The following TACR1 variants were observed in gnomAD, a reference collection of about 807,000 sequenced individuals.
TACR1 encodes the protein tachykinin receptor 1.
Under a neutral mutation model 35.8 loss-of-function variants are expected in TACR1, and 25 were observed. The ratio of observed to expected loss-of-function variants is 0.70; its 90% CI spans 0.51 to 0.98. The LOEUF (loss-of-function observed/expected upper bound fraction) is 0.98, where lower values mean the gene tolerates loss of function less well. Ranked by LOEUF, TACR1 falls within the 50% of genes least tolerant of loss-of-function variation. TACR1 has a pLI of 0.00. For synonymous variants in TACR1, 195 were observed against 206.7 expected (o/e 0.94, Z 0.48); for missense variants, 478 against 522.9 (o/e 0.91, Z 0.84).
At chr2:75,195,014 C>T (rs751211306) in intron 1 of TACR1, among the ~76,000 whole-genome samples, 2 of 152,118 alleles carry the variant, frequency 1.3e-5, no homozygotes, top group Non-Finnish European at 2.9e-5. Flanking sequence ...CAGTAATTGT[C>T]ACCAACTCCT....
At chr2:75,058,394 T>C (rs1051233531) in intron 2 of TACR1, among the ~76,000 whole-genome samples, 1 of 152,240 alleles carries the variant, frequency 6.6e-6, no homozygotes, top group African/African-American at 2.4e-5. Flanking sequence ...TATGCTTGCT[T>C]TGGCTTTCAT....
intron 1 of TACR1, among the ~76,000 whole-genome samples, chr2:75,166,882 A>G (rs1338052247): frequency 6.6e-6 from 1 of 152,210 alleles, no homozygotes; most frequent in African/African-American, 2.4e-5. Flanking sequence ...GCTGTGCTGC[A>G]TTTGGGTTAT....
intron 2 of TACR1, among the ~76,000 whole-genome samples, chr2:75,073,014 C>A (rs576151741): frequency 1.3e-5 from 2 of 152,276 alleles, no homozygotes; most frequent in South Asian, 4.1e-4. Flanking sequence ...TCATTAAATA[C>A]TATCTCAACA....
At position 75,198,588 on chromosome 2, in the gene TACR1, A is replaced by G. The variant is rs1356527081; in HGVS notation, c.347T>C (p.Val116Ala). Residue 116 changes from valine to alanine, a missense_variant, in exon 1 of 5, where the codon GTC (valine) becomes GCC (alanine). Coordinates refer to ENST00000305249, the MANE Select transcript of TACR1 (RefSeq NM_001058.4). ...KFHNFFPIAA[V>A]FASIYSMTAV... ...CGTCATGGAGTAGATACTGGCGAAG[A>G]CAGCGGCGATGGGAAAGAAGTTGTG... 2 of 1,614,084 alleles carry G rather than the reference A, an allele frequency of 1.2e-6. No individual in the cohort carries two copies. The highest frequency in any genetic ancestry group is 2.7e-5 in the African/African-American group (2 of 74,928).
intron 2 of TACR1, among the ~76,000 whole-genome samples, chr2:75,095,822 C>CT (rs1673410323): frequency 6.6e-6 from 1 of 152,292 alleles, no homozygotes; most frequent in Non-Finnish European, 1.5e-5. Flanking sequence ...CCCCCTGTCC[C>CT]TTCTGTGTGC....
At chr2:75,191,119 G>A (rs1229553578) in intron 1 of TACR1, among the ~76,000 whole-genome samples, 2 of 152,164 alleles carry the variant, frequency 1.3e-5, no homozygotes, top group Admixed American at 6.5e-5. Flanking sequence ...CACTGAGGTG[G>A]AATTGAAGTC....
chr2:75,094,051 T>A (rs992576049), intron 2 of TACR1, among the ~76,000 whole-genome samples: 1 of 152,132 alleles, frequency 6.6e-6, no homozygotes, highest in Non-Finnish European at 1.5e-5. Context: ...CACCACGTTT[T>A]CGTAGTTTTG....
intron 1 of TACR1, among the ~76,000 whole-genome samples, chr2:75,148,260 G>T (rs1368704146): frequency 1.3e-5 from 2 of 152,136 alleles, no homozygotes; most frequent in African/African-American, 4.8e-5. Flanking sequence ...GGGTCAAATG[G>T]TTTTTCTAGT....
chr2:75,117,546 A>G (rs931144930), intron 2 of TACR1, among the ~76,000 whole-genome samples: 4 of 152,176 alleles, frequency 2.6e-5, no homozygotes, highest in African/African-American at 7.2e-5. Context: ...TGAGGACTTC[A>G]TATAGGTTAT....
intron 2 of TACR1, among the ~76,000 whole-genome samples, chr2:75,087,907 A>G (rs998515151): frequency 2.0e-5 from 3 of 152,202 alleles, no homozygotes; most frequent in African/African-American, 4.8e-5. Flanking sequence ...GCATTACATA[A>G]AGAACTACTC....
At chr2:75,088,011 C>G (rs1392357211) in intron 2 of TACR1, among the ~76,000 whole-genome samples, 5 of 152,166 alleles carry the variant, frequency 3.3e-5, no homozygotes, top group African/African-American at 1.2e-4. Flanking sequence ...GAATGAACTT[C>G]CCTCATCTGT....
At chr2:75,177,643 T>A (rs992963566) in intron 1 of TACR1, among the ~76,000 whole-genome samples, 16 of 152,300 alleles carry the variant, frequency 1.1e-4, no homozygotes, top group African/African-American at 3.8e-4. Flanking sequence ...CTTCTTTGTT[T>A]ACCTCACTTA....
chr2:75,073,289 T>A (rs1450710015), intron 2 of TACR1, among the ~76,000 whole-genome samples: 1 of 152,232 alleles, frequency 6.6e-6, no homozygotes, highest in African/African-American at 2.4e-5. Flanking sequence ...AGCTCCCACA[T>A]CTTTTGTGTG....
rs536451660 is a variant in TACR1, at chr2:75,086,305, C to T, written c.585-32550G>A. Among the ~76,000 whole-genome samples the T allele has an allele frequency of 9.1e-4, 138 of 152,296 alleles. 1 individual carries two copies. The highest frequency in any genetic ancestry group is 3.1e-3 in the African/African-American group (128 of 41,558). ...AATCTCTTGTTTTATCTAAAAACTTCATGCAGATTTTATATTCTAGTCCAT... is the reference window on the plus strand; with the variant it reads ...AATCTCTTGTTTTATCTAAAAACTTTATGCAGATTTTATATTCTAGTCCAT... On this transcript the variant is annotated intron_variant, in intron 2 of 4. Transcript: ENST00000305249.
intron 1 of TACR1, among the ~76,000 whole-genome samples, chr2:75,150,977 C>T (rs1674656985): frequency 1.3e-5 from 2 of 152,178 alleles, no homozygotes; most frequent in Non-Finnish European, 1.5e-5. Flanking sequence ...CATTTTGCCC[C>T]TGCCCTAGAG....
chr2:75,148,046 G>A (rs556115133), intron 1 of TACR1, among the ~76,000 whole-genome samples: 2 of 151,982 alleles, frequency 1.3e-5, no homozygotes, highest in African/African-American at 4.8e-5. Context: ...ACACCTGGCC[G>A]ATCTCATTCC....
chr2:75,050,896 A>T (rs1045155558), intron 4 of TACR1: 7 of 321,688 alleles, frequency 2.2e-5, no homozygotes, highest in Non-Finnish European at 3.6e-5. Flanking sequence ...ATAAACTCAC[A>T]GGCCATGGCC....
intron 1 of TACR1, among the ~76,000 whole-genome samples, chr2:75,148,227 A>G (rs1242446237): frequency 2.6e-5 from 4 of 152,196 alleles, no homozygotes; most frequent in Non-Finnish European, 5.9e-5. Flanking sequence ...TCCTTTGGGT[A>G]TATACCCAGT....
chr2:75,136,209 A>G (rs1006171333), intron 1 of TACR1, among the ~76,000 whole-genome samples: 2 of 151,920 alleles, frequency 1.3e-5, no homozygotes, highest in Admixed American at 6.6e-5. Flanking sequence ...TACAGCCCTC[A>G]CTCCAGCCTT....
Sources: gnomAD v4.1 joint callset for allele counts (sites outside exome capture counted in the v4.1 genomes callset) on GRCh38, gnomAD v4.1.1 for gene constraint, MANE v1.5 for transcripts, NCBI Gene and HGNC (gene_info 2026-07-23, HGNC 2026-07-21) for gene names.